The following PAPPA variants were observed in gnomAD, a reference collection of about 807,000 sequenced individuals.
The protein encoded by PAPPA is pappalysin 1.
In PAPPA, 60 loss-of-function variants were observed where a neutral mutation model predicts 164.0. The observed-to-expected ratio is 0.37, with a 90% CI of 0.30 to 0.45. PAPPA has a LOEUF of 0.45. Ranked by LOEUF, PAPPA falls within the 20% of genes least tolerant of loss-of-function variation. PAPPA has a pLI of 1.00. For synonymous variants in PAPPA, 875 were observed against 814.1 expected, an observed-to-expected ratio of 1.07 and a Z score of -1.27; for missense variants, 1,782 against 2,087.3, an observed-to-expected ratio of 0.85 and a Z score of 2.85.
At chr9:116,354,521 G>A (rs1056089993) in intron 17 of PAPPA, among the ~76,000 whole-genome samples, 2 of 152,254 alleles carry the variant, frequency 1.3e-5, no homozygotes, top group East Asian at 3.9e-4. Flanking sequence ...CAGTGCAGGC[G>A]TCGTCTTCAA....
intron 1 of PAPPA, among the ~76,000 whole-genome samples, chr9:116,160,046 G>T (rs1564170144): frequency 2.0e-5 from 3 of 152,184 alleles, no homozygotes; most frequent in Admixed American, 2.0e-4. Flanking sequence ...GATGTTGTGG[G>T]TCTGGGGTTG....
At chr9:116,314,060 CTTTTTTTTTTTTTTTT>C (rs57871796) in intron 10 of PAPPA, among the ~76,000 whole-genome samples, 3 of 69,698 alleles carry the variant, frequency 4.3e-5, no homozygotes, top group African/African-American at 9.9e-5. Context: ...TGCATCGAAT[CTTTTTTTTTTTTTTTT>C]TTTTTTTTTT....
At chr9:116,255,194 C>G (rs952526683) in intron 7 of PAPPA, among the ~76,000 whole-genome samples, 2 of 151,924 alleles carry the variant, frequency 1.3e-5, no homozygotes, top group African/African-American at 4.8e-5. Context: ...ATATGGCTCA[C>G]TAGGGTGTGC....
Position 116,342,977 on chromosome 9 carries a change from C to A in PAPPA, c.3612-1566C>A, listed in dbSNP as rs1168618870. Among the ~76,000 whole-genome samples, 3 of 152,166 alleles carry A rather than the reference C, an allele frequency of 2.0e-5. No individual in the cohort carries two copies. The East Asian group carries it at 5.8e-4, about 29-fold the overall frequency. On this transcript the variant is annotated intron_variant, in intron 13 of 21. Transcript: ENST00000328252. ...CTGCAAGGAATTTTTATTGGCACTG[C>A]AAAGTACACCAAGATGAAATAGGCA...
intron 9 of PAPPA, among the ~76,000 whole-genome samples, chr9:116,300,025 C>T (rs1221805864): frequency 5.9e-5 from 9 of 152,086 alleles, no homozygotes; most frequent in Non-Finnish European, 8.8e-5. Flanking sequence ...TTTCAGTTCT[C>T]TGTATTGGGT....
intron 9 of PAPPA, among the ~76,000 whole-genome samples, chr9:116,300,481 T>C (rs1408133439): frequency 6.6e-6 from 1 of 152,158 alleles, no homozygotes; most frequent in East Asian, 1.9e-4. Flanking sequence ...TCTCATCATG[T>C]TGCTCAGGCT....
intron 9 of PAPPA, among the ~76,000 whole-genome samples, chr9:116,289,311 ATGGC>A: frequency 6.9e-6 from 1 of 145,522 alleles, no homozygotes; most frequent in African/African-American, 2.5e-5. Context: ...TAGCATATAT[ATGGC>A]ATATATATGG....
At chr9:116,222,092 C>T (rs1010877161) in intron 5 of PAPPA, among the ~76,000 whole-genome samples, 1 of 152,074 alleles carries the variant, frequency 6.6e-6, no homozygotes, top group African/African-American at 2.4e-5. Flanking sequence ...ATAGAACTGC[C>T]ATATAATCCA....
chr9:116,199,038 G>A (rs1844139518), intron 2 of PAPPA, among the ~76,000 whole-genome samples: 1 of 152,020 alleles, frequency 6.6e-6, no homozygotes, highest in Non-Finnish European at 1.5e-5. Flanking sequence ...CCATTTAAAA[G>A]TAATGTTGAA....
intron 16 of PAPPA, among the ~76,000 whole-genome samples, chr9:116,353,136 A>C (rs1482366652): frequency 6.6e-6 from 1 of 152,180 alleles, no homozygotes; most frequent in Non-Finnish European, 1.5e-5. Context: ...TGGCAATGTG[A>C]TCTCAGACAA....
At chr9:116,211,955 G>C (rs1012085374) in intron 4 of PAPPA, 23 bp downstream of exon 4, 2 of 1,605,190 alleles carry the variant, frequency 1.2e-6, no homozygotes, top group Non-Finnish European at 1.7e-6. Context: ...ACTCTGTAGG[G>C]TGAACAGGTC....
chr9:116,223,798 T>A (rs1390130932), intron 5 of PAPPA, among the ~76,000 whole-genome samples: 1 of 152,200 alleles, frequency 6.6e-6, no homozygotes, highest in Non-Finnish European at 1.5e-5. Context: ...GGTCATACAT[T>A]TCCCGTCCTC....
chr9:116,172,611 A>T (rs527441167), intron 1 of PAPPA, among the ~76,000 whole-genome samples: 3 of 152,104 alleles, frequency 2.0e-5, no homozygotes, highest in Non-Finnish European at 4.4e-5. Flanking sequence ...CCTAAAACAC[A>T]TATTTCTCCC....
At chr9:116,261,078 CTAAG>C (rs1844995417) in intron 7 of PAPPA, among the ~76,000 whole-genome samples, 2 of 152,124 alleles carry the variant, frequency 1.3e-5, no homozygotes, top group Non-Finnish European at 1.5e-5. Context: ...CTTAATCTTC[CTAAG>C]TGTTAGTTTC....
intron 1 of PAPPA, among the ~76,000 whole-genome samples, chr9:116,185,285 A>G (rs1366826864): frequency 2.6e-5 from 4 of 152,170 alleles, no homozygotes; most frequent in Admixed American, 2.0e-4. Context: ...GACTCTGGCC[A>G]TTTCCTGAAA....
At chr9:116,175,602 A>G (rs575491022) in intron 1 of PAPPA, among the ~76,000 whole-genome samples, 51 of 152,212 alleles carry the variant, frequency 3.4e-4, no homozygotes, top group Non-Finnish European at 7.1e-4. Flanking sequence ...TTTCCTCACA[A>G]GCCTTGGGCA....
rs1159244539 is a variant in PAPPA at position 116,235,527 on chromosome 9, C to T, written c.2622C>T (p.Asp874=). 7 of 1,613,566 alleles carry T rather than the reference C, an allele frequency of 4.3e-6. No homozygotes were observed. The highest frequency in any genetic ancestry group is 1.1e-5 in the South Asian group (1 of 91,050). The change falls in exon 7 of 22, where the codon GAC becomes GAT. Residue 874 remains aspartate, a synonymous_variant. Transcript: ENST00000328252. The part of the protein sequence containing the change: ...IDAAMLTSTA[D]TPLCLQCKPL... ...CTGCCATGTTGACCTCCACTGCAGA[C>T]ACCCCACTCTGTCTACAGTGTAAGC...
At chr9:116,289,254 G>A (rs373620777) in intron 9 of PAPPA, among the ~76,000 whole-genome samples, 1,700 of 36,962 alleles carry the variant, frequency 0.046, 85 homozygotes, top group Non-Finnish European at 0.071. Context: ...TAGCATATAT[G>A]TAGCATATAT....
intron 13 of PAPPA, among the ~76,000 whole-genome samples, chr9:116,335,438 T>A (rs899386590): frequency 6.6e-6 from 1 of 152,102 alleles, no homozygotes; most frequent in Non-Finnish European, 1.5e-5. Context: ...TGGAATATTC[T>A]GCTTCCCGTG....
Sources: allele counts gnomAD v4.1 joint callset (sites outside exome capture counted in the v4.1 genomes callset), GRCh38; gene constraint gnomAD v4.1.1; transcripts MANE v1.5; gene names NCBI Gene and HGNC (gene_info 2026-07-23, HGNC 2026-07-21).